Variants in MYRIP observed in about 807,000 individuals in gnomAD.
MYRIP encodes rab effector MyRIP.
In MYRIP, 49 loss-of-function variants were observed where a neutral mutation model predicts 98.0. That is an observed-to-expected ratio of 0.50 (90% CI 0.40 to 0.63). The LOEUF (loss-of-function observed/expected upper bound fraction) is 0.63, where lower values mean the gene tolerates loss of function less well. Ranked by LOEUF, MYRIP falls within the 30% of genes least tolerant of loss-of-function variation. The probability of loss-of-function intolerance (pLI) is 0.00; values close to 1 mark genes in which losing one functional copy is unlikely to be tolerated. For synonymous variants in MYRIP, 404 were observed against 409.5 expected, an observed-to-expected ratio of 0.99 and a Z score of 0.16; for missense variants, 1,004 against 1,058.2, an observed-to-expected ratio of 0.95 and a Z score of 0.71.
chr3:39,833,944 G>A (rs1169691358), intron 1 of MYRIP, among the ~76,000 whole-genome samples: 1 of 152,190 alleles, frequency 6.6e-6, no homozygotes, highest in Non-Finnish European at 1.5e-5. Flanking sequence ...CAGGAAAATC[G>A]CTTGAACCCA....
chr3:40,051,775 T>A (rs1033677649), intron 3 of MYRIP, among the ~76,000 whole-genome samples: 28 of 152,198 alleles, frequency 1.8e-4, no homozygotes, highest in African/African-American at 6.5e-4. Context: ...TCCTTGGAAT[T>A]GAGTATTATT....
intron 2 of MYRIP, among the ~76,000 whole-genome samples, chr3:40,013,178 G>A (rs1575464327): frequency 6.6e-6 from 1 of 152,220 alleles, no homozygotes; most frequent in Non-Finnish European, 1.5e-5. Context: ...TAGTGAGGGA[G>A]GTCTGGGTGA....
At chr3:40,143,265 C>T (rs1217120615) in intron 3 of MYRIP, among the ~76,000 whole-genome samples, 1 of 152,200 alleles carries the variant, frequency 6.6e-6, no homozygotes, top group Non-Finnish European at 1.5e-5. Context: ...GGATTCCACC[C>T]TGTCCTCTAT....
chr3:40,235,949 G>A (rs1952812248), intron 12 of MYRIP, among the ~76,000 whole-genome samples: 1 of 152,182 alleles, frequency 6.6e-6, no homozygotes, highest in African/African-American at 2.4e-5. Flanking sequence ...GTACTGGAGG[G>A]AGGAGAAGAC....
chr3:39,895,352 A>G (rs1029076231), intron 1 of MYRIP, among the ~76,000 whole-genome samples: 1 of 151,794 alleles, frequency 6.6e-6, no homozygotes, highest in African/African-American at 2.4e-5. Flanking sequence ...ACGCTCGGCT[A>G]ATTTTTGTAT....
chr3:40,093,886 A>G (rs767550188), intron 3 of MYRIP, among the ~76,000 whole-genome samples: 5 of 152,156 alleles, frequency 3.3e-5, no homozygotes, highest in Admixed American at 1.3e-4. Flanking sequence ...ATAACATCCA[A>G]TGAAGGCCTG....
At chr3:40,242,045 AG>A (rs1444967325) in intron 12 of MYRIP, 1 of 152,202 alleles carries the variant, frequency 6.6e-6, no homozygotes, top group African/African-American at 2.4e-5. Context: ...AGGAGGATAA[AG>A]GCAAGGGAAC....
intron 2 of MYRIP, among the ~76,000 whole-genome samples, chr3:39,996,581 A>G (rs1946363426): frequency 6.6e-6 from 1 of 152,148 alleles, no homozygotes; most frequent in Non-Finnish European, 1.5e-5. Flanking sequence ...CACAATAATA[A>G]TGGGAGACTT....
intron 3 of MYRIP, among the ~76,000 whole-genome samples, chr3:40,119,239 C>T (rs934083248): frequency 1.3e-5 from 2 of 152,062 alleles, no homozygotes; most frequent in Middle Eastern, 3.2e-3. Flanking sequence ...TCTCCAGCAC[C>T]TGTTGTTTCC....
chr3:40,132,456 A>T (rs1343572058), intron 3 of MYRIP, among the ~76,000 whole-genome samples: 1 of 152,242 alleles, frequency 6.6e-6, no homozygotes, highest in South Asian at 2.1e-4. Flanking sequence ...TCACATTTTC[A>T]TTCCTCAAGA....
intron 3 of MYRIP, among the ~76,000 whole-genome samples, chr3:40,054,832 C>T (rs1174026867): frequency 6.6e-6 from 1 of 152,210 alleles, no homozygotes; most frequent in East Asian, 1.9e-4. Context: ...CAACCGTCAT[C>T]GTCTGCCGCA....
intron 2 of MYRIP, among the ~76,000 whole-genome samples, chr3:39,917,453 A>C (rs1944189457): frequency 8.2e-6 from 1 of 122,520 alleles, no homozygotes; most frequent in South Asian, 2.8e-4. Context: ...AATTTAAAAA[A>C]AATAAAAAAA....
chr3:40,125,463 T>C (rs1949507901), intron 3 of MYRIP, among the ~76,000 whole-genome samples: 1 of 152,314 alleles, frequency 6.6e-6, no homozygotes, highest in African/African-American at 2.4e-5. Context: ...TGGCCTCTGA[T>C]TAGATTGTGC....
intron 4 of MYRIP, among the ~76,000 whole-genome samples, chr3:40,158,588 C>T (rs1351423487): frequency 1.3e-5 from 2 of 152,136 alleles, no homozygotes; most frequent in Non-Finnish European, 2.9e-5. Context: ...CTAATGTTGA[C>T]AGTGGGGTGT....
intron 3 of MYRIP, among the ~76,000 whole-genome samples, chr3:40,115,801 T>A (rs1949261987): frequency 6.6e-6 from 1 of 152,168 alleles, no homozygotes; most frequent in Non-Finnish European, 1.5e-5. Flanking sequence ...GTTCTTTTTT[T>A]TTTTTTTATG....
rs139114832 is a variant in MYRIP, at chr3:40,014,866, G to A, written c.111-29184G>A. On this transcript the variant is annotated intron_variant, in intron 2 of 16. Coordinates refer to ENST00000302541, the MANE Select transcript of MYRIP (RefSeq NM_015460.4). ...AGAGGATTTGCAATGCTGGCCTTAC[G>A]TTACAGTTTTTGTCTGGGCTTGAGT... is the stretch of plus-strand genomic sequence containing the variant. Among the ~76,000 whole-genome samples the A allele has an allele frequency of 6.5e-3, 994 of 152,278 alleles. 8 individuals are homozygous for A. Among genetic ancestry groups the A allele is most frequent in the Middle Eastern group, 0.017 (5 of 294 alleles).
At chr3:39,926,201 AT>A (rs1944419389) in intron 2 of MYRIP, among the ~76,000 whole-genome samples, 1 of 151,560 alleles carries the variant, frequency 6.6e-6, no homozygotes, top group African/African-American at 2.4e-5. Context: ...TGCTTGTTGA[AT>A]TGTTTAAGTT....
chr3:39,974,779 A>AAAC, intron 2 of MYRIP, among the ~76,000 whole-genome samples: 1 of 152,228 alleles, frequency 6.6e-6, no homozygotes, highest in African/African-American at 2.4e-5. Flanking sequence ...CAGCATATAA[A>AAAC]CAGAACCAAT....
chr3:40,022,881 G>C (rs946591647), intron 2 of MYRIP, among the ~76,000 whole-genome samples: 2 of 152,138 alleles, frequency 1.3e-5, no homozygotes, highest in South Asian at 4.1e-4. Context: ...TATTTTAGAC[G>C]TTTTGAGTTT....
Sources: gnomAD v4.1 joint callset for allele counts (sites outside exome capture counted in the v4.1 genomes callset) on GRCh38, gnomAD v4.1.1 for gene constraint, MANE v1.5 for transcripts, NCBI Gene and HGNC (gene_info 2026-07-23, HGNC 2026-07-21) for gene names.